ABCG2: variants seen among roughly 807,000 people sequenced by gnomAD.
ABCG2 encodes ATP binding cassette subfamily G member 2 (JR blood group).
Under a neutral mutation model 73.5 loss-of-function variants are expected in ABCG2, and 80 were observed. The ratio of observed to expected loss-of-function variants is 1.09; its 90% confidence interval spans 0.91 to 1.31. The LOEUF is 1.31. ABCG2 is among the 50% of genes most tolerant of loss of function. The probability of loss-of-function intolerance (pLI) is 0.00; values close to 1 mark genes in which losing one functional copy is unlikely to be tolerated. For missense variants in ABCG2, 796 were observed against 786.2 expected (o/e 1.01, Z -0.15); for synonymous variants, 269 against 282.4 (o/e 0.95, Z 0.48).
intron 1 of ABCG2, among the ~76,000 whole-genome samples, chr4:88,145,888 T>C (rs1293278311): frequency 2.0e-5 from 3 of 152,158 alleles, no homozygotes; most frequent in Non-Finnish European, 4.4e-5. Flanking sequence ...TGTGCTAAGA[T>C]TGTGCTGCTG....
intron 2 of ABCG2, among the ~76,000 whole-genome samples, chr4:88,133,640 G>A (rs375039933): frequency 6.6e-6 from 1 of 152,304 alleles, no homozygotes; most frequent in East Asian, 1.9e-4. Context: ...GACCCAAGAA[G>A]ACAGCAAATA....
intron 1 of ABCG2, among the ~76,000 whole-genome samples, chr4:88,225,943 G>A (rs940172086): frequency 4.6e-5 from 7 of 152,154 alleles, no homozygotes; most frequent in Non-Finnish European, 7.3e-5. Context: ...ATCAGATCTT[G>A]TGAGACTTGT....
intron 8 of ABCG2, among the ~76,000 whole-genome samples, chr4:88,113,999 C>T (rs1472646297): frequency 2.6e-5 from 4 of 151,488 alleles, no homozygotes; most frequent in African/African-American, 7.3e-5. Flanking sequence ...ATTATTAGCT[C>T]TGTCATTAGA....
chr4:88,107,080 G>A (rs751424169), intron 10 of ABCG2, 104 bp downstream of exon 10: 2 of 832,492 alleles, frequency 2.4e-6, no homozygotes, highest in East Asian at 2.7e-5. Context: ...ATAAAAGAAT[G>A]ACATTTACAC....
At chr4:88,137,122 G>A (rs1245237764) in intron 2 of ABCG2, among the ~76,000 whole-genome samples, 1 of 152,104 alleles carries the variant, frequency 6.6e-6, no homozygotes, top group Non-Finnish European at 1.5e-5. Context: ...CACCTTGAAA[G>A]ATCTCCCACC....
chr4:88,166,953 G>A (rs746841885), intron 1 of ABCG2, among the ~76,000 whole-genome samples: 8 of 152,124 alleles, frequency 5.3e-5, no homozygotes, highest in East Asian at 1.9e-4. Flanking sequence ...GTTTGAACAC[G>A]AGAGTGAGGT....
intron 1 of ABCG2, among the ~76,000 whole-genome samples, chr4:88,191,720 C>T (rs764248949): frequency 2.6e-5 from 4 of 152,126 alleles, no homozygotes; most frequent in Non-Finnish European, 5.9e-5. Flanking sequence ...TACCCATCAA[C>T]TGATAAGTGA....
At chr4:88,168,313 C>A (rs1198173725) in intron 1 of ABCG2, among the ~76,000 whole-genome samples, 4 of 151,786 alleles carry the variant, frequency 2.6e-5, no homozygotes, top group Non-Finnish European at 5.9e-5. Context: ...ATGGTGAAAC[C>A]CCATCTGTAC....
chr4:88,131,341 A>G (rs1016361391), intron 4 of ABCG2, 128 bp from the exon 5 acceptor site: 2 of 990,656 alleles, frequency 2.0e-6, no homozygotes. Flanking sequence ...CTAATGATGA[A>G]CCTGCAGTTC....
intron 6 of ABCG2, among the ~76,000 whole-genome samples, chr4:88,120,375 T>C (rs1335520066): frequency 1.3e-5 from 2 of 152,054 alleles, no homozygotes; most frequent in South Asian, 2.1e-4. Context: ...CCCAGAATGG[T>C]AGATCCACCA....
chr4:88,202,376 A>ATATATATATATATATATATATATATG (rs1176057791), intron 1 of ABCG2, among the ~76,000 whole-genome samples: 90 of 128,518 alleles, frequency 7.0e-4, no homozygotes, highest in Non-Finnish European at 1.3e-3. Flanking sequence ...ATATATATAT[A>ATATATATATATATATATATATATATG]TGTATATTTT....
At chr4:88,178,515 A>G (rs1028699584) in intron 1 of ABCG2, among the ~76,000 whole-genome samples, 1 of 152,104 alleles carries the variant, frequency 6.6e-6, no homozygotes, top group African/African-American at 2.4e-5. Flanking sequence ...GGGAGGGGCT[A>G]CTTCTGCTTA....
At chr4:88,198,072 G>A (rs1194980571) in intron 1 of ABCG2, among the ~76,000 whole-genome samples, 1 of 150,466 alleles carries the variant, frequency 6.6e-6, no homozygotes, top group African/African-American at 2.5e-5. Flanking sequence ...TGGGCATGGT[G>A]GCTCATGCCT....
chr4:88,116,194 C>T (rs1027810835), intron 7 of ABCG2, among the ~76,000 whole-genome samples: 8 of 152,078 alleles, frequency 5.3e-5, no homozygotes, highest in Non-Finnish European at 1.2e-4. Context: ...GACTCTGTCT[C>T]AAAGGTAAAT....
In ABCG2 at chr4:88,099,438, T is replaced by C; in HGVS notation, c.1378A>G (p.Ile460Val). The C allele has an allele frequency of 6.2e-7, 1 of 1,603,444 alleles. No homozygotes were observed. The highest frequency in any genetic ancestry group is 1.1e-5 in the South Asian group (1 of 88,474). Reference sequence around the variant, plus strand: ...GATGACACTCTGTAGTATCCGCTGATGTATTCATGTCTATAGAACAAAAAT... The same window carrying C: ...GATGACACTCTGTAGTATCCGCTGACGTATTCATGTCTATAGAACAAAAAT... Reference protein sequence around the residue: ...VEKKLFIHEYISGYYRVSSYF... With the variant: ...VEKKLFIHEYVSGYYRVSSYF... Residue 460 changes from isoleucine to valine, a missense_variant, in exon 12 of 16, where the codon ATC becomes GTC. Ile to Val is a conservative substitution (Grantham distance 29, BLOSUM62 3). Transcript: ENST00000237612.
intron 1 of ABCG2, among the ~76,000 whole-genome samples, chr4:88,225,278 A>G (rs1730165946): frequency 6.6e-6 from 1 of 152,226 alleles, no homozygotes. Flanking sequence ...ACAATGCATA[A>G]ACAAGAGGGT....
intron 1 of ABCG2, among the ~76,000 whole-genome samples, chr4:88,212,054 C>T (rs896602320): frequency 2.0e-5 from 3 of 152,130 alleles, no homozygotes; most frequent in Non-Finnish European, 2.9e-5. Flanking sequence ...ACACATACCG[C>T]CCCCAAATAA....
chr4:88,166,316 C>T (rs1206650384), intron 1 of ABCG2, among the ~76,000 whole-genome samples: 1 of 152,186 alleles, frequency 6.6e-6, no homozygotes, highest in African/African-American at 2.4e-5. Flanking sequence ...GTCGTACCAT[C>T]ATTTGTTTCC....
At chr4:88,137,031 A>AAAATTAAAATAATAAAATAAAATAAAT (rs1248655340) in intron 2 of ABCG2, among the ~76,000 whole-genome samples, 18 of 150,180 alleles carry the variant, frequency 1.2e-4, no homozygotes, top group African/African-American at 4.4e-4. Flanking sequence ...AAAATAAAAT[A>AAAATTAAAATAATAAAATAAAATAAAT]AAATAAAATA....
Sources: allele counts gnomAD v4.1 joint callset (sites outside exome capture counted in the v4.1 genomes callset), GRCh38; gene constraint gnomAD v4.1.1; transcripts MANE v1.5; gene names NCBI Gene and HGNC (gene_info 2026-07-23, HGNC 2026-07-21).